Variants in VXN observed in about 807,000 individuals in gnomAD.
VXN encodes the protein vexin.
A neutral mutation model predicts 23.1 loss-of-function variants in VXN; 7 were observed. The observed-to-expected ratio is 0.30, with a 90% CI of 0.17 to 0.57. The LOEUF is 0.57. VXN is among the 20% of genes least tolerant of loss of function. VXN has a pLI of 0.91. For synonymous variants in VXN, 120 were observed against 105.8 expected, an observed-to-expected ratio of 1.13 and a Z score of -0.83; for missense variants, 238 against 272.6, an observed-to-expected ratio of 0.87 and a Z score of 0.89.
intron 1 of VXN, 147 bp from the exon 2 acceptor site, chr8:66,496,290 C>T: frequency 2.9e-6 from 2 of 682,208 alleles, no homozygotes; most frequent in Non-Finnish European, 5.1e-6. Context: ...GTAACATCTT[C>T]AATCGCAACG....
At chr8:66,504,702 T>C (rs1451954803) in intron 2 of VXN, among the ~76,000 whole-genome samples, 1 of 152,162 alleles carries the variant, frequency 6.6e-6, no homozygotes, top group Non-Finnish European at 1.5e-5. Context: ...GGGACCTTTG[T>C]TCCAGCTTAT....
intron 2 of VXN, among the ~76,000 whole-genome samples, chr8:66,498,290 T>A (rs1276594790): frequency 1.3e-5 from 2 of 151,948 alleles, no homozygotes; most frequent in East Asian, 3.9e-4. Context: ...GCCATGGTCA[T>A]GCTACTGTAC....
chr8:66,503,875 C>T lies in VXN; in HGVS notation c.127-1500C>T, dbSNP rs555035837. On this transcript the variant is annotated intron_variant, in intron 2 of 5. Transcript: ENST00000305454. ...ACGGGCCTAACACACTGAGCTGCAA[C>T]CATCTCAGAGCCTCCATTATTGTGG... 4.6e-5 allele frequency among the ~76,000 whole-genome samples: 7 copies of T among 152,344 alleles called. No individual in the cohort carries two copies. The South Asian group carries it at 6.2e-4, about 14-fold the overall frequency.
At position 66,518,170 on chromosome 8, in the gene VXN, G is replaced by A. The variant is rs538021479; in HGVS notation, c.*2094G>A. The A allele has an allele frequency of 1.3e-5, 2 of 152,342 alleles. No homozygotes were observed. The highest frequency in any genetic ancestry group is 3.9e-4 in the East Asian group (2 of 5,180). The allele number at this position is 152,342 out of a possible 1,614,324, so 9.4% of individuals were successfully genotyped here. A position where few individuals can be genotyped will look rare whatever the true frequency, so the allele number is the denominator to read the frequency against. On this transcript the variant is annotated 3_prime_UTR_variant, in exon 6 of 6. Coordinates refer to ENST00000305454, the MANE Select transcript of VXN (RefSeq NM_152765.4). ...CCAGTAACCTATGCTGGTCGTAACA[G>A]AGGATCCTACAATTACGTTTGTTTT...
intron 2 of VXN, 22 bp downstream of exon 2, chr8:66,496,514 T>C: frequency 6.2e-7 from 1 of 1,611,158 alleles, no homozygotes; most frequent in Non-Finnish European, 8.5e-7. Context: ...TTAGTTTTGA[T>C]GTTCTTTGGT....
At chr8:66,498,082 C>T (rs113446702) in intron 2 of VXN, among the ~76,000 whole-genome samples, 71 of 151,752 alleles carry the variant, frequency 4.7e-4, no homozygotes, top group Non-Finnish European at 9.0e-4. Flanking sequence ...GCAGGAGAAT[C>T]GCTTGAACCT....
At chr8:66,506,232 A>AGTGTATGTGTGTGT (rs1554570604) in intron 3 of VXN, among the ~76,000 whole-genome samples, 1 of 140,340 alleles carries the variant, frequency 7.1e-6, no homozygotes, top group African/African-American at 2.7e-5. Flanking sequence ...AGAGAGAGAC[A>AGTGTATGTGTGTGT]GTGTGTGTGT....
In VXN at chr8:66,513,558, A is replaced by T. The variant is rs1443586301; in HGVS notation, c.361A>T (p.Ile121Phe). ...GKSLIPPVPR[I>F]SVKTSASASL... is the part of the protein sequence containing the mutation. Reference sequence around the variant, plus strand: ...ATGACAGATACCGCCAGTGCCCCGGATCTCAGTGAAAACTTCAGCCTCTGC... The same window carrying T: ...ATGACAGATACCGCCAGTGCCCCGGTTCTCAGTGAAAACTTCAGCCTCTGC... The change falls in exon 5 of 6, where the codon ATC (isoleucine) becomes TTC (phenylalanine). Residue 121 changes from isoleucine to phenylalanine, a missense_variant. Ile to Phe is a conservative substitution (Grantham distance 21, BLOSUM62 0). Coordinates refer to ENST00000305454, the MANE Select transcript of VXN (RefSeq NM_152765.4). 1 of 1,613,982 alleles carries T rather than the reference A, an allele frequency of 6.2e-7. No homozygotes were observed. Among genetic ancestry groups the T allele is most frequent in the African/African-American group, 1.3e-5 (1 of 74,900 alleles).
chr8:66,505,380 G>T lies in VXN; in HGVS notation c.132G>T (p.Val44=). The T allele has an allele frequency of 1.3e-6, 2 of 1,579,916 alleles. No individual in the cohort carries two copies. Among genetic ancestry groups the T allele is most frequent in the South Asian group, 1.2e-5 (1 of 86,190 alleles). ...GCGTTTCCCCCGCCCGGCAGGTGGT[G>T]ATCGAGTCGGACCTGTACACGCACC... ...SSQHLLTKNV[V]IESDLYTHQP... is the part of the protein sequence containing the mutation. Residue 44 remains valine, a synonymous_variant, in exon 3 of 6, where the codon GTG becomes GTT. Coordinates refer to ENST00000305454, the MANE Select transcript of VXN (RefSeq NM_152765.4).
intron 2 of VXN, among the ~76,000 whole-genome samples, chr8:66,504,645 A>G (rs1244167633): frequency 6.6e-6 from 1 of 152,152 alleles, no homozygotes; most frequent in Non-Finnish European, 1.5e-5. Flanking sequence ...GTAATTTCCC[A>G]GTATAACTAC....
intron 4 of VXN, 23 bp from the exon 5 acceptor site, chr8:66,513,515 ACT>A: frequency 6.3e-7 from 1 of 1,599,998 alleles, no homozygotes; most frequent in Non-Finnish European, 8.6e-7. Context: ...GCATCCTCAC[ACT>A]CCCTCCCGCT....
At chr8:66,502,851 C>CT (rs11303110) in intron 2 of VXN, among the ~76,000 whole-genome samples, 78 of 146,144 alleles carry the variant, frequency 5.3e-4, no homozygotes, top group South Asian at 1.3e-3. Flanking sequence ...GTTCTTCTTC[C>CT]TTTTTTTTTT....
chr8:66,502,141 G>A (rs1807698780), intron 2 of VXN, among the ~76,000 whole-genome samples: 2 of 152,090 alleles, frequency 1.3e-5, no homozygotes, highest in Admixed American at 1.3e-4. Flanking sequence ...TCAAGGCAAA[G>A]CCTCACACTG....
intron 2 of VXN, among the ~76,000 whole-genome samples, chr8:66,504,500 C>A (rs1807727757): frequency 1.3e-5 from 2 of 151,406 alleles, no homozygotes; most frequent in South Asian, 2.1e-4. Flanking sequence ...TCACGACTCT[C>A]CATAGTAAGA....
Position 66,514,115 on chromosome 8 carries a change from G to A in VXN, c.440+478G>A, listed in dbSNP as rs138824606. On this transcript the variant is annotated intron_variant, in intron 5 of 5. Transcript: ENST00000305454. ...AACCGGCAGCTAGGGAGGCAGGAGC[G>A]GATAACCCCCGACACCCCTCAGTGA... 2.0e-3 allele frequency: 343 copies of A among 168,916 alleles called. 1 individual carries two copies. Among genetic ancestry groups the A allele is most frequent in the African/African-American group, 7.7e-3 (320 of 41,628 alleles). 10.5% of individuals were successfully genotyped at this position (168,916 alleles called of 1,614,324 possible). A position where few individuals can be genotyped will look rare whatever the true frequency, so the allele number is the denominator to read the frequency against.
chr8:66,513,735 C>T (rs1385274880), intron 5 of VXN, 98 bp downstream of exon 5: 5 of 934,150 alleles, frequency 5.4e-6, no homozygotes, highest in African/African-American at 3.3e-5. Context: ...GACAGACCCT[C>T]GAGAGGCCAA....
intron 1 of VXN, 33 bp downstream of exon 1, chr8:66,493,751 C>G: frequency 6.3e-7 from 1 of 1,581,698 alleles, no homozygotes; most frequent in Non-Finnish European, 8.7e-7. Flanking sequence ...GTTTCCTTAA[C>G]GTGGCATCTT....
chr8:66,494,361 G>T (rs1417253636), intron 1 of VXN, among the ~76,000 whole-genome samples: 2 of 152,148 alleles, frequency 1.3e-5, no homozygotes, highest in African/African-American at 2.4e-5. Context: ...GACTCCAAGT[G>T]TCTGGTTCCT....
intron 1 of VXN, chr8:66,494,810 C>T (rs1254508745): frequency 6.6e-6 from 1 of 152,108 alleles, no homozygotes; most frequent in African/African-American, 2.4e-5. Context: ...ACTCCTCTTA[C>T]CCCTGGATGT....
Sources: allele counts gnomAD v4.1 joint callset (sites outside exome capture counted in the v4.1 genomes callset), GRCh38; gene constraint gnomAD v4.1.1; transcripts MANE v1.5; gene names NCBI Gene and HGNC (gene_info 2026-07-23, HGNC 2026-07-21).